Variants in VTCN1 observed in about 807,000 individuals in gnomAD.
The protein encoded by VTCN1 is V-set domain containing T cell activation inhibitor 1.
In VTCN1, 26 loss-of-function variants were observed where a neutral mutation model predicts 26.5. The observed-to-expected ratio is 0.98, with a 90% CI of 0.72 to 1.36. VTCN1 has a LOEUF of 1.36. VTCN1 is among the 40% of genes most tolerant of loss of function. VTCN1 has a pLI of 0.00. For missense variants in VTCN1, 298 were observed against 337.7 expected (o/e 0.88, Z 0.92); for synonymous variants, 116 against 130.7 (o/e 0.89, Z 0.77).
At position 117,193,111 on chromosome 1, in the gene VTCN1, T is replaced by C. The variant is rs1648328281; in HGVS notation, c.32+17713A>G. The stretch of plus-strand genomic sequence containing the variant: ...GAGATGATTCAAAGTATATGGGAGA[T>C]GTGCATAAATTATATGCAAATACTA... On this transcript the variant is annotated intron_variant, in intron 1 of 5. Transcript: ENST00000369458. Among the ~76,000 whole-genome samples the C allele has an allele frequency of 2.0e-5, 3 of 152,314 alleles. No individual in the cohort carries two copies. In the South Asian group the frequency reaches 6.2e-4, roughly 32 times the overall value.
At chr1:117,173,211 G>A (rs1458284437) in intron 1 of VTCN1, 1 of 716,076 alleles carries the variant, frequency 1.4e-6, no homozygotes, top group Non-Finnish European at 2.6e-6. Context: ...CTTCATTCTT[G>A]AAGTCAGCAA....
intron 1 of VTCN1, among the ~76,000 whole-genome samples, chr1:117,188,892 C>T (rs1370619619): frequency 6.6e-6 from 1 of 152,168 alleles, no homozygotes; most frequent in African/African-American, 2.4e-5. Flanking sequence ...AATATAAACA[C>T]ACATTTAGAA....
At chr1:117,192,008 G>GATAT (rs34397281) in intron 1 of VTCN1, among the ~76,000 whole-genome samples, 18,763 of 147,850 alleles carry the variant, frequency 0.13, 1,398 homozygotes, top group African/African-American at 0.2. Flanking sequence ...ATTCTTAGGA[G>GATAT]ATATATAGAT....
At chr1:117,186,929 G>C (rs1647972704) in intron 1 of VTCN1, among the ~76,000 whole-genome samples, 1 of 152,134 alleles carries the variant, frequency 6.6e-6, no homozygotes, top group African/African-American at 2.4e-5. Flanking sequence ...GGCAGATTCA[G>C]AGGGGATTAC....
rs150129006 is a variant in VTCN1 at position 117,156,725 on chromosome 1, T to C, written c.294A>G (p.Arg98=). The change falls in exon 3 of 6, where the codon AGA becomes AGG. Residue 98 remains arginine, a synonymous_variant. Transcript: ENST00000369458. ...DELSEQDEMF[R]GRTAVFADQV... ...GATCAGCAAACACTGCTGTCCGGCCTCTGAACATTTCATCCTGCTCCGACA... is the reference window on the plus strand; with the variant it reads ...GATCAGCAAACACTGCTGTCCGGCCCCTGAACATTTCATCCTGCTCCGACA... 77 of 1,614,074 alleles carry C rather than the reference T, an allele frequency of 4.8e-5. No individual in the cohort carries two copies. The highest frequency in any genetic ancestry group is 6.0e-5 in the Non-Finnish European group (71 of 1,180,028).
chr1:117,185,297 T>C (rs574269750), intron 1 of VTCN1, among the ~76,000 whole-genome samples: 28 of 152,306 alleles, frequency 1.8e-4, no homozygotes, highest in African/African-American at 6.5e-4. Flanking sequence ...CAGGAATGAC[T>C]AGGGTCTTGG....
chr1:117,178,370 C>A (rs557223565), intron 1 of VTCN1, among the ~76,000 whole-genome samples: 148 of 150,820 alleles, frequency 9.8e-4, no homozygotes, highest in African/African-American at 3.5e-3. Context: ...AATTCTCCTG[C>A]CTTAGCCTCC....
rs145566012 is a variant in VTCN1 at position 117,154,155 on chromosome 1, G to A, written c.446-786C>T. On this transcript the variant is annotated intron_variant, in intron 3 of 5. Coordinates refer to ENST00000369458, the MANE Select transcript of VTCN1 (RefSeq NM_024626.4). The stretch of plus-strand genomic sequence containing the variant: ...GGAAAGCCCTTGCCTAACCCTTAAG[G>A]AGTCTGTTCTCTAGCAGGGGAGACA... Among the ~76,000 whole-genome samples the A allele has an allele frequency of 9.3e-4, 142 of 152,260 alleles. No individual in the cohort carries two copies. In the Middle Eastern group the frequency reaches 0.014, roughly 15 times the overall value.
In VTCN1 at chr1:117,169,526, T is replaced by C. The variant is rs542301144; in HGVS notation, c.97+581A>G. ...GACATCTTCAGCACTGACTGATAGA[T>C]AGACTACTGATAAACATCTCATTTG... On this transcript the variant is annotated intron_variant, in intron 2 of 5. Coordinates refer to ENST00000369458, the MANE Select transcript of VTCN1 (RefSeq NM_024626.4). This position sits in a 1 kb window ranked among gnomAD's most constrained non-coding sequence, Gnocchi z 4.0. 1.3e-5 allele frequency among the ~76,000 whole-genome samples: 2 copies of C among 152,346 alleles called. No homozygotes were observed. Among genetic ancestry groups the C allele is most frequent in the Non-Finnish European group, 1.5e-5 (1 of 68,032 alleles).
intron 1 of VTCN1, among the ~76,000 whole-genome samples, chr1:117,199,885 C>T (rs952820257): frequency 6.6e-6 from 1 of 152,160 alleles, no homozygotes; most frequent in Non-Finnish European, 1.5e-5. Flanking sequence ...CCGCCCACCT[C>T]GGCCTCCCAA....
chr1:117,177,810 A>T (rs1570966975), intron 1 of VTCN1, among the ~76,000 whole-genome samples: 1 of 151,988 alleles, frequency 6.6e-6, no homozygotes, highest in South Asian at 2.1e-4. Flanking sequence ...GTATGCCAAC[A>T]ATCATTTGAA....
At chr1:117,187,101 A>G (rs1647981273) in intron 1 of VTCN1, among the ~76,000 whole-genome samples, 1 of 152,000 alleles carries the variant, frequency 6.6e-6, no homozygotes, top group Non-Finnish European at 1.5e-5. Flanking sequence ...AGCCTGGGCA[A>G]CAAGGTGAAA....
At chr1:117,150,606 ATAC>A (rs1385847740) in intron 4 of VTCN1, among the ~76,000 whole-genome samples, 1 of 151,940 alleles carries the variant, frequency 6.6e-6, no homozygotes, top group African/African-American at 2.4e-5. Context: ...TTTTAGTTAG[ATAC>A]TTTTTAAAAA....
intron 2 of VTCN1, among the ~76,000 whole-genome samples, chr1:117,157,183 T>C (rs574091012): frequency 6.6e-6 from 1 of 151,038 alleles, no homozygotes; most frequent in South Asian, 2.1e-4. Flanking sequence ...ACATTGGACT[T>C]GGGGTTTGAA....
chr1:117,174,797 A>C (rs537780724), intron 1 of VTCN1, among the ~76,000 whole-genome samples: 103 of 152,336 alleles, frequency 6.8e-4, no homozygotes, highest in Non-Finnish European at 1.2e-3. Context: ...AATTTCAAAG[A>C]AAGTGAAGAA....
Position 117,175,748 on chromosome 1 carries a change from G to A in VTCN1, c.33-5577C>T, listed in dbSNP as rs1457496138. On this transcript the variant is annotated intron_variant, in intron 1 of 5. Coordinates refer to ENST00000369458, the MANE Select transcript of VTCN1 (RefSeq NM_024626.4). This position sits in a 1 kb window ranked among gnomAD's most constrained non-coding sequence, Gnocchi z 4.2. ...ACACCAAAAAATAAACCAGAAGAGA[G>A]ATACCTATCTCTCTCTCTCTCTCTC... 6.7e-6 allele frequency among the ~76,000 whole-genome samples: 1 copy of A among 149,796 alleles called. No homozygotes were observed.
At chr1:117,160,414 C>T (rs750057170) in intron 2 of VTCN1, among the ~76,000 whole-genome samples, 1 of 152,216 alleles carries the variant, frequency 6.6e-6, no homozygotes, top group Non-Finnish European at 1.5e-5. Context: ...TCCATCCAAT[C>T]CATTTTACAT....
chr1:117,195,262 A>AAATAAT (rs61710825), intron 1 of VTCN1, among the ~76,000 whole-genome samples: 18,349 of 142,296 alleles, frequency 0.13, 1,243 homozygotes, highest in African/African-American at 0.14. Context: ...CTCCGTCTCA[A>AAATAAT]AATAATAATA....
chr1:117,184,241 T>A (rs1298438082), intron 1 of VTCN1, among the ~76,000 whole-genome samples: 1 of 152,134 alleles, frequency 6.6e-6, no homozygotes, highest in Non-Finnish European at 1.5e-5. Context: ...GTCCAAGCTA[T>A]CAAGAACCTT....
Sources: allele counts gnomAD v4.1 joint callset (sites outside exome capture counted in the v4.1 genomes callset), GRCh38; gene constraint gnomAD v4.1.1; non-coding constraint Gnocchi (gnomAD v3.1); transcripts MANE v1.5; gene names NCBI Gene and HGNC (gene_info 2026-07-23, HGNC 2026-07-21).